The following EXT1 variants were observed in gnomAD, a reference collection of about 807,000 sequenced individuals.
EXT1 encodes the protein exostosin glycosyltransferase 1.
A neutral mutation model predicts 82.5 loss-of-function variants in EXT1; 20 were observed. The observed-to-expected ratio is 0.24, with a 90% CI of 0.17 to 0.35. The LOEUF is 0.35. Ranked by LOEUF, EXT1 falls within the 10% of genes least tolerant of loss-of-function variation. The pLI, the probability that EXT1 is intolerant of heterozygous loss-of-function variation, is 1.00. For synonymous variants in EXT1, 348 were observed against 350.8 expected, an observed-to-expected ratio of 0.99 and a Z score of 0.09; for missense variants, 757 against 936.5, an observed-to-expected ratio of 0.81 and a Z score of 2.50.
At chr8:117,892,337 A>G (rs183137618) in intron 1 of EXT1, among the ~76,000 whole-genome samples, 1 of 152,260 alleles carries the variant, frequency 6.6e-6, no homozygotes, top group East Asian at 1.9e-4. Flanking sequence ...ACAAGGATAC[A>G]TATGACATGA....
chr8:118,029,101 A>G lies in EXT1; in HGVS notation c.962+80984T>C, dbSNP rs112378657. Reference sequence around the variant, plus strand: ...CTAGATTAGGAGTTTAAAATAAGACAGTTGTACAGAGATACATTTGTAGAT... The same window carrying G: ...CTAGATTAGGAGTTTAAAATAAGACGGTTGTACAGAGATACATTTGTAGAT... On this transcript the variant is annotated intron_variant, in intron 1 of 10. Transcript: ENST00000378204. Among the ~76,000 whole-genome samples the G allele has an allele frequency of 1.2e-3, 184 of 152,156 alleles. 1 individual carries two copies. Among genetic ancestry groups the G allele is most frequent in the African/African-American group, 4.4e-3 (183 of 41,506 alleles).
At position 117,830,287 on chromosome 8, in the gene EXT1, T is replaced by C; in HGVS notation, c.1227A>G (p.Gln409=). Residue 409 remains glutamine, a synonymous_variant, in exon 4 of 11, where the codon CAA becomes CAG. Coordinates refer to ENST00000378204, the MANE Select transcript of EXT1 (RefSeq NM_000127.3). ...AAGAAAAATAAGCCTCCCACAAGAA[T>C]TGTGTCTGCTGTCTAAGTGCTAGGA... ...DKILALRQQT[Q]FLWEAYFSSV... 6.2e-7 allele frequency: 1 copy of C among 1,614,104 alleles called. No homozygotes were observed. Among genetic ancestry groups the C allele is most frequent in the South Asian group, 1.1e-5 (1 of 91,082 alleles).
chr8:118,110,762 G>T lies in EXT1; in HGVS notation c.285C>A (p.Gly95=), dbSNP rs539549632. ...KRDANSSIYK[G]KKCRMESCFD... ...AGCAGGACTCCATGCGGCACTTCTTGCCTTTGTAGATGCTGGAGTTGGCAT... is the reference window on the plus strand; with the variant it reads ...AGCAGGACTCCATGCGGCACTTCTTTCCTTTGTAGATGCTGGAGTTGGCAT... The change falls in exon 1 of 11, where the codon GGC becomes GGA. Residue 95 remains glycine (G), a synonymous_variant. Coordinates refer to ENST00000378204, the MANE Select transcript of EXT1 (RefSeq NM_000127.3). 6.2e-7 allele frequency: 1 copy of T among 1,614,200 alleles called. No individual in the cohort carries two copies. The highest frequency in any genetic ancestry group is 1.1e-5 in the South Asian group (1 of 91,082).
chr8:118,062,594 G>T (rs980685402), intron 1 of EXT1, among the ~76,000 whole-genome samples: 1 of 152,158 alleles, frequency 6.6e-6, no homozygotes, highest in Non-Finnish European at 1.5e-5. Flanking sequence ...TATGTTAACA[G>T]CCCAGAGATG....
chr8:117,848,231 T>C (rs1283102694), intron 1 of EXT1, among the ~76,000 whole-genome samples: 4 of 152,328 alleles, frequency 2.6e-5, no homozygotes, highest in South Asian at 2.1e-4. Flanking sequence ...ATTTGGGTTA[T>C]GGTTGAAGAT....
At chr8:117,907,928 C>T (rs1712609237) in intron 1 of EXT1, among the ~76,000 whole-genome samples, 1 of 152,220 alleles carries the variant, frequency 6.6e-6, no homozygotes, top group African/African-American at 2.4e-5. Context: ...AGTAAGATGG[C>T]ATTGGCTCTG....
At chr8:118,008,767 C>A (rs897132437) in intron 1 of EXT1, among the ~76,000 whole-genome samples, 3 of 152,046 alleles carry the variant, frequency 2.0e-5, no homozygotes, top group Non-Finnish European at 4.4e-5. Context: ...AAAAAATACA[C>A]CTTTGGTTAC....
chr8:117,891,622 T>A (rs1006947807), intron 1 of EXT1, among the ~76,000 whole-genome samples: 2 of 152,072 alleles, frequency 1.3e-5, no homozygotes, highest in Admixed American at 6.5e-5. Flanking sequence ...TCCTATGAAC[T>A]CAAAAGAAGT....
intron 3 of EXT1, among the ~76,000 whole-genome samples, chr8:117,834,774 T>C (rs1035912232): frequency 1.3e-5 from 2 of 152,062 alleles, no homozygotes; most frequent in African/African-American, 4.8e-5. Flanking sequence ...GTTCTAGAAT[T>C]TTAGGAGAAA....
At chr8:117,934,189 A>AG (rs2129656006) in intron 1 of EXT1, among the ~76,000 whole-genome samples, 2 of 152,180 alleles carry the variant, frequency 1.3e-5, no homozygotes, top group African/African-American at 4.8e-5. Context: ...GAGCAGCACC[A>AG]GGCTTGTCGG....
chr8:117,963,974 G>A (rs1814754886), intron 1 of EXT1, among the ~76,000 whole-genome samples: 1 of 152,146 alleles, frequency 6.6e-6, no homozygotes, highest in African/African-American at 2.4e-5. Context: ...AGGTTCATTT[G>A]ATGAAAGTCA....
intron 1 of EXT1, among the ~76,000 whole-genome samples, chr8:117,906,220 TCA>T (rs2129978478): frequency 6.6e-6 from 1 of 152,330 alleles, no homozygotes; most frequent in African/African-American, 2.4e-5. Context: ...ACAGCATCTC[TCA>T]CAAGGCAAAT....
At chr8:118,072,211 G>T (rs1817108305) in intron 1 of EXT1, among the ~76,000 whole-genome samples, 1 of 152,176 alleles carries the variant, frequency 6.6e-6, no homozygotes, top group African/African-American at 2.4e-5. Context: ...TCTTAGACCA[G>T]TTCCCTGACC....
intron 1 of EXT1, among the ~76,000 whole-genome samples, chr8:118,101,410 A>G (rs1210528020): frequency 6.6e-6 from 1 of 152,134 alleles, no homozygotes; most frequent in East Asian, 1.9e-4. Flanking sequence ...CCTCCTTTAC[A>G]CTTAAAATCC....
intron 1 of EXT1, among the ~76,000 whole-genome samples, chr8:117,857,975 A>G (rs1179058722): frequency 1.3e-5 from 2 of 152,230 alleles, no homozygotes; most frequent in African/African-American, 4.8e-5. Context: ...AGAAGAAGTC[A>G]CTGCAGATAT....
At chr8:118,089,806 G>A (rs193099021) in intron 1 of EXT1, among the ~76,000 whole-genome samples, 1 of 152,340 alleles carries the variant, frequency 6.6e-6, no homozygotes, top group East Asian at 1.9e-4. Flanking sequence ...GGATACGGGA[G>A]AGCCAGAGGA....
chr8:117,832,042 T>C (rs541752380), intron 3 of EXT1, among the ~76,000 whole-genome samples: 1 of 152,294 alleles, frequency 6.6e-6, no homozygotes, highest in South Asian at 2.1e-4. Flanking sequence ...AGAACCTTTA[T>C]CAGTGCAAGG....
chr8:118,007,712 A>T (rs1295528871), intron 1 of EXT1, among the ~76,000 whole-genome samples: 1 of 152,256 alleles, frequency 6.6e-6, no homozygotes, highest in Non-Finnish European at 1.5e-5. Flanking sequence ...TTTCATTCGC[A>T]TCACCAGATG....
chr8:118,004,549 A>G (rs1815736445), intron 1 of EXT1, among the ~76,000 whole-genome samples: 1 of 152,186 alleles, frequency 6.6e-6, no homozygotes, highest in African/African-American at 2.4e-5. Context: ...CCAAAGAGGG[A>G]GCACAGCGCA....
Sources: allele counts gnomAD v4.1 joint callset (sites outside exome capture counted in the v4.1 genomes callset), GRCh38; gene constraint gnomAD v4.1.1; transcripts MANE v1.5; gene names NCBI Gene and HGNC (gene_info 2026-07-23, HGNC 2026-07-21).